Variants in PLCB4 observed in about 807,000 individuals in gnomAD.
PLCB4 encodes the protein phospholipase C beta 4, also known as 1-phosphatidylinositol 4,5-bisphosphate phosphodiesterase beta-4.
PLCB4 carries 77 observed loss-of-function variants against 178.8 expected under a neutral mutation model. That is an observed-to-expected ratio of 0.43 (90% CI 0.36 to 0.52). The LOEUF (loss-of-function observed/expected upper bound fraction) is 0.52, where lower values mean the gene tolerates loss of function less well. Ranked by LOEUF, PLCB4 falls within the 20% of genes least tolerant of loss-of-function variation. The pLI is 0.00. For missense variants in PLCB4, 1,024 were observed against 1,453.4 expected, an observed-to-expected ratio of 0.70 and a Z score of 4.80; for synonymous variants, 496 against 490.8, an observed-to-expected ratio of 1.01 and a Z score of -0.14.
chr20:9,081,859 A>G (rs886093992), intron 1 of PLCB4, among the ~76,000 whole-genome samples: 2 of 151,596 alleles, frequency 1.3e-5, no homozygotes, highest in South Asian at 4.2e-4. Context: ...TACACTGGTC[A>G]TTGAAAAGTA....
chr20:9,080,122 A>G (rs767851986), intron 1 of PLCB4, among the ~76,000 whole-genome samples: 5 of 152,184 alleles, frequency 3.3e-5, no homozygotes, highest in Admixed American at 2.0e-4. Flanking sequence ...AAGGAAGTCA[A>G]TTTAACAGAA....
chr20:9,121,071 T>C (rs1345388520), intron 2 of PLCB4, among the ~76,000 whole-genome samples: 1 of 152,184 alleles, frequency 6.6e-6, no homozygotes, highest in African/African-American at 2.4e-5. Flanking sequence ...TAGATCTCTC[T>C]GGAAGGTCTC....
intron 3 of PLCB4, among the ~76,000 whole-genome samples, chr20:9,272,915 A>G (rs940911003): frequency 1.1e-4 from 16 of 143,298 alleles, no homozygotes; most frequent in African/African-American, 4.2e-4. Context: ...CATTTTACCT[A>G]CCTTGGTACC....
chr20:9,123,221 A>G (rs1455728412), intron 2 of PLCB4, among the ~76,000 whole-genome samples: 2 of 152,112 alleles, frequency 1.3e-5, no homozygotes, highest in East Asian at 1.9e-4. Context: ...TAAAAAAAGT[A>G]TATTCTTCAC....
chr20:9,132,977 C>A (rs1327782137), intron 2 of PLCB4, among the ~76,000 whole-genome samples: 1 of 152,080 alleles, frequency 6.6e-6, no homozygotes, highest in Non-Finnish European at 1.5e-5. Flanking sequence ...CCCAGGACCA[C>A]CCCCCGACAA....
chr20:9,338,848 C>G, intron 6 of PLCB4, 46 bp from the exon 7 acceptor site: 1 of 1,510,792 alleles, frequency 6.6e-7, no homozygotes, highest in South Asian at 1.2e-5. Context: ...CCTCCATGCT[C>G]TGTGATGTAA....
At chr20:9,200,572 TTG>T (rs2093530908) in intron 2 of PLCB4, among the ~76,000 whole-genome samples, 1 of 152,206 alleles carries the variant, frequency 6.6e-6, no homozygotes, top group Admixed American at 6.5e-5. Flanking sequence ...GATCCAATCA[TTG>T]TCTTTTTCTG....
intron 3 of PLCB4, among the ~76,000 whole-genome samples, chr20:9,261,986 C>G (rs369029995): frequency 6.6e-6 from 1 of 152,158 alleles, no homozygotes. Context: ...TAACTAATGA[C>G]TCATTTGGCA....
rs544202964 is a variant in PLCB4 at position 9,115,399 on chromosome 20, G to A, written c.-79+19057G>A. 4.0e-5 allele frequency among the ~76,000 whole-genome samples: 6 copies of A among 150,730 alleles called. No homozygotes were observed. The South Asian group carries it at 1.3e-3, about 32-fold the overall frequency. On this transcript the variant is annotated intron_variant, in intron 2 of 39. Coordinates refer to ENST00000378473, the MANE Select transcript of PLCB4 (RefSeq NM_001377142.1). ...ATAATAAAAATACCTCTACACTATA[G>A]TGCTTTATGAATAGATTTTTAAAAC...
chr20:9,091,939 T>A (rs952904337), intron 1 of PLCB4, among the ~76,000 whole-genome samples: 8 of 152,184 alleles, frequency 5.3e-5, no homozygotes, highest in Non-Finnish European at 1.0e-4. Flanking sequence ...ACTGGCTTGC[T>A]TCCTGAGGTC....
intron 21 of PLCB4, 90 bp from the exon 22 acceptor site, chr20:9,407,827 G>A (rs2039559693): frequency 1.0e-5 from 11 of 1,087,530 alleles, no homozygotes; most frequent in Non-Finnish European, 1.4e-5. Context: ...TTGTGTGTGT[G>A]CAATTATCTT....
At chr20:9,454,432 G>A (rs1255361683) in intron 33 of PLCB4, among the ~76,000 whole-genome samples, 2 of 152,108 alleles carry the variant, frequency 1.3e-5, no homozygotes, top group Non-Finnish European at 2.9e-5. Context: ...TCCTGCCTTT[G>A]ACCTTCTCCA....
chr20:9,215,281 A>G (rs982754764), intron 2 of PLCB4, among the ~76,000 whole-genome samples: 1 of 152,196 alleles, frequency 6.6e-6, no homozygotes, highest in African/African-American at 2.4e-5. Context: ...TTAATACATA[A>G]TTACAAATAT....
intron 36 of PLCB4, 80 bp from the exon 37 acceptor site, chr20:9,472,710 A>T: frequency 1.3e-6 from 1 of 754,646 alleles, no homozygotes; most frequent in Non-Finnish European, 2.2e-6. Context: ...AATTTGATGG[A>T]ATATAGCTCT....
At chr20:9,443,457 G>A (rs1360921988) in intron 30 of PLCB4, among the ~76,000 whole-genome samples, 1 of 152,166 alleles carries the variant, frequency 6.6e-6, no homozygotes, top group Non-Finnish European at 1.5e-5. Flanking sequence ...CATTTCAGCT[G>A]CCCTTCTCCA....
intron 2 of PLCB4, among the ~76,000 whole-genome samples, chr20:9,177,434 C>T (rs538619126): frequency 1.3e-5 from 2 of 152,190 alleles, no homozygotes; most frequent in East Asian, 3.9e-4. Context: ...TGAGACAGGG[C>T]CAAGGTGCTG....
intron 8 of PLCB4, among the ~76,000 whole-genome samples, chr20:9,363,857 T>G (rs538900881): frequency 3.3e-5 from 5 of 152,332 alleles, no homozygotes. Flanking sequence ...TCATACTCAC[T>G]TGGCAATGGG....
intron 2 of PLCB4, among the ~76,000 whole-genome samples, chr20:9,141,003 C>T (rs1461564626): frequency 6.6e-6 from 1 of 152,114 alleles, no homozygotes; most frequent in East Asian, 1.9e-4. Context: ...CGCTCATCCC[C>T]ATTGGTGATA....
At chr20:9,171,644 T>A (rs1208658642) in intron 2 of PLCB4, among the ~76,000 whole-genome samples, 2 of 152,160 alleles carry the variant, frequency 1.3e-5, no homozygotes, top group Non-Finnish European at 2.9e-5. Context: ...CAGAGAGCCA[T>A]GTTTTAAGAA....
Sources: gnomAD v4.1 joint callset for allele counts (sites outside exome capture counted in the v4.1 genomes callset) on GRCh38, gnomAD v4.1.1 for gene constraint, MANE v1.5 for transcripts, NCBI Gene and HGNC (gene_info 2026-07-23, HGNC 2026-07-21) for gene names.